APBB2: variants seen among roughly 807,000 people sequenced by gnomAD.
APBB2 encodes amyloid beta precursor protein binding family B member 2.
A neutral mutation model predicts 82.5 loss-of-function variants in APBB2; 38 were observed. The ratio of observed to expected loss-of-function variants is 0.46; its 90% confidence interval spans 0.36 to 0.60. The LOEUF is 0.60. Among genes scored for constraint, APBB2 ranks in the 20% least tolerant of loss-of-function variants. APBB2 has a pLI of 0.00. For missense variants in APBB2, 772 were observed against 972.3 expected (o/e 0.79, Z 2.74); for synonymous variants, 341 against 368.2 (o/e 0.93, Z 0.85).
chr4:40,841,836 G>A (rs542587226), intron 12 of APBB2, among the ~76,000 whole-genome samples: 20 of 152,124 alleles, frequency 1.3e-4, no homozygotes, highest in Middle Eastern at 3.4e-3. Context: ...CCACCACCAC[G>A]CCTAGCTAAT....
intron 5 of APBB2, among the ~76,000 whole-genome samples, chr4:41,017,273 T>C (rs1810256947): frequency 6.6e-6 from 1 of 152,162 alleles, no homozygotes; most frequent in Non-Finnish European, 1.5e-5. Flanking sequence ...TGGTATCATG[T>C]GGAGGCAAAA....
intron 10 of APBB2, among the ~76,000 whole-genome samples, chr4:40,909,113 T>G (rs1013293111): frequency 1.3e-5 from 2 of 152,196 alleles, no homozygotes; most frequent in Non-Finnish European, 2.9e-5. Context: ...CTCTTGCCCT[T>G]ACACAGAAGG....
intron 1 of APBB2, among the ~76,000 whole-genome samples, chr4:41,161,111 A>G (rs1337954023): frequency 2.1e-5 from 3 of 144,882 alleles, no homozygotes; most frequent in Non-Finnish European, 3.0e-5. Context: ...ATGAAATTAC[A>G]CCAACTCAAA....
chr4:41,209,775 T>C (rs1200873923), intron 1 of APBB2, among the ~76,000 whole-genome samples: 1 of 152,208 alleles, frequency 6.6e-6, no homozygotes, highest in Admixed American at 6.5e-5. Context: ...GTTAATTTTA[T>C]GACAACCATT....
intron 4 of APBB2, among the ~76,000 whole-genome samples, chr4:41,044,220 G>A (rs1226537657): frequency 2.0e-5 from 3 of 152,186 alleles, no homozygotes; most frequent in Non-Finnish European, 4.4e-5. Context: ...ATGTAAGAAA[G>A]AAGCTGATTC....
intron 12 of APBB2, chr4:40,880,268 G>A (rs1768090720): frequency 1.0e-6 from 1 of 985,394 alleles, no homozygotes; most frequent in Non-Finnish European, 1.2e-6. Context: ...GAGACTCCTT[G>A]AGTTCCACCT....
intron 3 of APBB2, among the ~76,000 whole-genome samples, chr4:41,097,693 G>GGTA: frequency 6.6e-6 from 1 of 152,008 alleles, no homozygotes; most frequent in Non-Finnish European, 1.5e-5. Flanking sequence ...TTTTTTTGAA[G>GGTA]GTACGGTTAT....
At chr4:41,112,384 C>T (rs535941226) in intron 2 of APBB2, among the ~76,000 whole-genome samples, 2 of 152,326 alleles carry the variant, frequency 1.3e-5, no homozygotes, top group East Asian at 3.9e-4. Flanking sequence ...ATCTGGGATA[C>T]AGGCAGGGCC....
chr4:41,134,137 ATTTT>A (rs35906021), intron 2 of APBB2, among the ~76,000 whole-genome samples: 1 of 151,504 alleles, frequency 6.6e-6, no homozygotes, highest in Admixed American at 6.6e-5. Flanking sequence ...TACCTGGCTA[ATTTT>A]TTTTTAAGTT....
At chr4:40,901,156 T>C (rs1311818142) in intron 10 of APBB2, among the ~76,000 whole-genome samples, 1 of 152,164 alleles carries the variant, frequency 6.6e-6, no homozygotes, top group Non-Finnish European at 1.5e-5. Flanking sequence ...TCAATCTTGG[T>C]GAGCCTCAGT....
intron 1 of APBB2, among the ~76,000 whole-genome samples, chr4:41,200,546 G>A (rs950324971): frequency 2.6e-5 from 4 of 152,084 alleles, no homozygotes; most frequent in Non-Finnish European, 4.4e-5. Context: ...CTCCCCTGGC[G>A]GCTGGAACTT....
At chr4:41,033,466 CT>C (rs1319133763) in intron 4 of APBB2, among the ~76,000 whole-genome samples, 162 bp from the exon 5 acceptor site, 5 of 152,050 alleles carry the variant, frequency 3.3e-5, no homozygotes, top group African/African-American at 1.2e-4. Context: ...GGTCATACCA[CT>C]TTTGATTGAA....
chr4:40,964,529 C>A (rs1794119097), intron 6 of APBB2, among the ~76,000 whole-genome samples: 2 of 152,068 alleles, frequency 1.3e-5, no homozygotes, highest in African/African-American at 2.4e-5. Flanking sequence ...ATGCCACATG[C>A]CTTCTCATGC....
intron 10 of APBB2, among the ~76,000 whole-genome samples, chr4:40,932,107 C>G (rs1784354049): frequency 6.6e-6 from 1 of 152,196 alleles, no homozygotes; most frequent in South Asian, 2.1e-4. Context: ...CCTCCTATTC[C>G]TATTACAATT....
intron 1 of APBB2, among the ~76,000 whole-genome samples, chr4:41,168,661 T>C (rs1767391873): frequency 6.6e-6 from 1 of 152,218 alleles, no homozygotes; most frequent in Non-Finnish European, 1.5e-5. Flanking sequence ...TCAGACCGCT[T>C]GAGAACTGAC....
chr4:41,030,597 T>C (rs1428481552), intron 5 of APBB2, among the ~76,000 whole-genome samples: 1 of 152,200 alleles, frequency 6.6e-6, no homozygotes, highest in Non-Finnish European at 1.5e-5. Context: ...GCTGTTTCCA[T>C]TCTTTAATAA....
chr4:41,073,097 T>C (rs140489221), intron 3 of APBB2, among the ~76,000 whole-genome samples: 28 of 152,348 alleles, frequency 1.8e-4, no homozygotes, highest in Non-Finnish European at 3.7e-4. Context: ...TTTTTTAGAC[T>C]AGGTCTTGTG....
intron 1 of APBB2, among the ~76,000 whole-genome samples, chr4:41,197,648 A>G: frequency 3.9e-5 from 6 of 152,156 alleles, no homozygotes; most frequent in Non-Finnish European, 8.8e-5. Flanking sequence ...GCTTCCTCCC[A>G]CATCCTCTAA....
At chr4:40,931,142 G>A (rs934085777) in intron 10 of APBB2, among the ~76,000 whole-genome samples, 1 of 152,154 alleles carries the variant, frequency 6.6e-6, no homozygotes, top group Non-Finnish European at 1.5e-5. Flanking sequence ...GTCATGTAAG[G>A]TGAGTAACTT....
Sources: allele counts gnomAD v4.1 joint callset (sites outside exome capture counted in the v4.1 genomes callset), GRCh38; gene constraint gnomAD v4.1.1; transcripts MANE v1.5; gene names NCBI Gene and HGNC (gene_info 2026-07-23, HGNC 2026-07-21).